Variants in NUMB observed in about 807,000 individuals in gnomAD.
NUMB encodes the protein protein numb homolog.
In NUMB, 29 loss-of-function variants were observed where a neutral mutation model predicts 59.7. That is an observed-to-expected ratio of 0.49 (90% CI 0.36 to 0.66). NUMB has a LOEUF of 0.66. Among genes scored for constraint, NUMB ranks in the 30% least tolerant of loss-of-function variants. The pLI is 0.00. For synonymous variants in NUMB, 288 were observed against 288.2 expected (o/e 1.00, Z 0.01); for missense variants, 723 against 822.0 (o/e 0.88, Z 1.47).
intron 12 of NUMB, 35 bp downstream of exon 12, chr14:73,279,246 C>T (rs1594853682): frequency 6.2e-7 from 1 of 1,613,720 alleles, no homozygotes; most frequent in African/African-American, 1.3e-5. Context: ...CTTATCTGAT[C>T]CCAGAATCCT....
At position 73,275,457 on chromosome 14, in the gene NUMB, A is replaced by T. The variant is rs910250877; in HGVS notation, c.*1121T>A. 1 of 152,494 alleles carries T rather than the reference A, an allele frequency of 6.6e-6. No individual in the cohort carries two copies. The highest frequency in any genetic ancestry group is 6.5e-5 in the Admixed American group (1 of 15,274). 9.4% of individuals were successfully genotyped at this position (152,494 alleles called of 1,614,324 possible). On this transcript the variant is annotated 3_prime_UTR_variant, in exon 13 of 13. Coordinates refer to ENST00000555238, the MANE Select transcript of NUMB (RefSeq NM_001005743.2). ...CAGAATCCCCATCCCCACAAAACTC[A>T]TGGGAACAAAATTTAAAGGATAAAA...
intron 1 of NUMB, among the ~76,000 whole-genome samples, chr14:73,431,910 T>C (rs996964067): frequency 4.6e-5 from 7 of 151,728 alleles, no homozygotes; most frequent in East Asian, 3.9e-4. Context: ...GGGCAGAGAG[T>C]GGTAGACTCC....
chr14:73,408,889 A>AAAAG (rs1375806021), intron 2 of NUMB, among the ~76,000 whole-genome samples: 4 of 145,196 alleles, frequency 2.8e-5, no homozygotes, highest in Non-Finnish European at 6.0e-5. Context: ...AAAAAAAAAA[A>AAAAG]AAAGAAAGAA....
chr14:73,300,489 T>C (rs1890069240), intron 6 of NUMB, among the ~76,000 whole-genome samples: 1 of 152,206 alleles, frequency 6.6e-6, no homozygotes, highest in African/African-American at 2.4e-5. Flanking sequence ...AACAGTAGTA[T>C]GGAGGCAGTC....
intron 1 of NUMB, among the ~76,000 whole-genome samples, chr14:73,412,454 C>G (rs1030304375): frequency 1.3e-5 from 2 of 151,646 alleles, no homozygotes; most frequent in African/African-American, 4.8e-5. Flanking sequence ...ATAGAGAAAC[C>G]CTATCTCTAT....
intron 6 of NUMB, among the ~76,000 whole-genome samples, chr14:73,307,344 T>A (rs970962602): frequency 1.8e-4 from 26 of 145,770 alleles, no homozygotes; most frequent in Non-Finnish European, 3.6e-4. Flanking sequence ...GAATTGGGAG[T>A]GTGTGTGTGT....
intron 2 of NUMB, among the ~76,000 whole-genome samples, chr14:73,380,787 C>T (rs536548491): frequency 6.7e-5 from 10 of 148,666 alleles, no homozygotes; most frequent in African/African-American, 1.7e-4. Flanking sequence ...TGCTGTGGCA[C>T]GATCTCCGCT....
chr14:73,320,508 T>C (rs572552527), intron 5 of NUMB, among the ~76,000 whole-genome samples: 11 of 152,336 alleles, frequency 7.2e-5, no homozygotes, highest in Non-Finnish European at 1.3e-4. Context: ...GCTGAGATTA[T>C]AGGCGCAAGC....
Position 73,453,610 on chromosome 14 carries a change from CT to C in NUMB, c.-233+4882del, listed in dbSNP as rs542857391. ...TGTTACATTACTAAAACAAATTTTCCTTTTTTTTTTTTTTCAAAACAAAGTC... is the reference window on the plus strand; with the variant it reads ...TGTTACATTACTAAAACAAATTTTCCTTTTTTTTTTTTTCAAAACAAAGTC... On this transcript the variant is annotated intron_variant, in intron 1 of 12. Transcript: ENST00000555238. Among the ~76,000 whole-genome samples the C allele has an allele frequency of 1.5e-3, 211 of 137,084 alleles. 2 individuals are homozygous for C. The highest frequency in any genetic ancestry group is 3.8e-3 in the Middle Eastern group (1 of 262). The allele number at this position is 137,084 out of a possible 152,430, so 89.9% of individuals were successfully genotyped here. A position where few individuals can be genotyped will look rare whatever the true frequency, so the allele number is the denominator to read the frequency against.
intron 6 of NUMB, chr14:73,297,506 C>T: frequency 2.7e-6 from 1 of 374,810 alleles, no homozygotes; most frequent in Non-Finnish European, 4.7e-6. Context: ...CAACGCAAAA[C>T]AATAAGATAA....
At chr14:73,317,358 G>C (rs890853706) in intron 5 of NUMB, among the ~76,000 whole-genome samples, 1 of 152,218 alleles carries the variant, frequency 6.6e-6, no homozygotes, top group Non-Finnish European at 1.5e-5. Context: ...ATGGAGTGCA[G>C]TGGCACGATC....
intron 4 of NUMB, among the ~76,000 whole-genome samples, chr14:73,351,297 C>A (rs1220710454): frequency 3.3e-5 from 5 of 151,944 alleles, no homozygotes; most frequent in Admixed American, 1.3e-4. Flanking sequence ...CATGGTGAAA[C>A]CCTGTCTCTA....
chr14:73,407,204 C>T (rs1312784595), intron 2 of NUMB, among the ~76,000 whole-genome samples: 8 of 152,100 alleles, frequency 5.3e-5, no homozygotes, highest in Non-Finnish European at 7.4e-5. Flanking sequence ...GTCATCCCAG[C>T]CCTTTGGGAG....
chr14:73,282,625 T>A, intron 10 of NUMB, 120 bp from the exon 11 acceptor site: 2 of 1,057,052 alleles, frequency 1.9e-6, no homozygotes, highest in Non-Finnish European at 2.6e-6. Flanking sequence ...AAGGCTCAAT[T>A]AACTGTATGG....
chr14:73,294,029 C>T (rs1057446451), intron 7 of NUMB, among the ~76,000 whole-genome samples: 1 of 152,132 alleles, frequency 6.6e-6, no homozygotes, highest in African/African-American at 2.4e-5. Flanking sequence ...ATAAGTCAGA[C>T]TTGTCTGTTT....
chr14:73,287,420 C>T, intron 8 of NUMB, 106 bp from the exon 9 acceptor site: 1 of 1,042,182 alleles, frequency 9.6e-7, no homozygotes, highest in Non-Finnish European at 1.4e-6. Flanking sequence ...TTACTGTTAC[C>T]CAGGCTGGAG....
intron 1 of NUMB, among the ~76,000 whole-genome samples, chr14:73,428,081 T>C (rs1282496375): frequency 6.6e-6 from 1 of 152,238 alleles, no homozygotes; most frequent in Non-Finnish European, 1.5e-5. Flanking sequence ...AGGACTTTCC[T>C]ACCACTAGGA....
chr14:73,357,958 T>A (rs999088567), intron 3 of NUMB, among the ~76,000 whole-genome samples: 1 of 151,578 alleles, frequency 6.6e-6, no homozygotes, highest in Non-Finnish European at 1.5e-5. Flanking sequence ...TCTTCTTCAT[T>A]TCTTCGTCTT....
intron 6 of NUMB, among the ~76,000 whole-genome samples, chr14:73,300,035 A>T (rs549721500): frequency 6.6e-6 from 1 of 151,926 alleles, no homozygotes; most frequent in Non-Finnish European, 1.5e-5. Context: ...AACAATTAGT[A>T]GCCATTATCA....
Sources: allele counts gnomAD v4.1 joint callset (sites outside exome capture counted in the v4.1 genomes callset), GRCh38; gene constraint gnomAD v4.1.1; transcripts MANE v1.5; gene names NCBI Gene and HGNC (gene_info 2026-07-23, HGNC 2026-07-21).